The following ADAMTSL1 variants were observed in gnomAD, a reference collection of about 807,000 sequenced individuals.
ADAMTSL1 encodes the protein ADAMTS like 1.
ADAMTSL1 carries 126 observed loss-of-function variants against 201.8 expected under a neutral mutation model. That is an observed-to-expected ratio of 0.62 (90% CI 0.54 to 0.72). The LOEUF is 0.72. Among genes scored for constraint, ADAMTSL1 ranks in the 30% least tolerant of loss-of-function variants. ADAMTSL1 has a pLI of 0.00. For missense variants in ADAMTSL1, 2,679 were observed against 2,277.8 expected, an observed-to-expected ratio of 1.18 and a Z score of -3.59; for synonymous variants, 1,121 against 903.4, an observed-to-expected ratio of 1.24 and a Z score of -4.32.
In ADAMTSL1 at chr9:18,375,711, T is replaced by C. The variant is rs1430324981; in HGVS notation, c.208-129118T>C. ...CAGCAGCAAGGTTTATTGTGGAGAG[T>C]GAAAGAACAAACCTCCCATAGCATG... On this transcript the variant is annotated intron_variant, in intron 2 of 29. Transcript: ENST00000680146. Among the ~76,000 whole-genome samples, 7 of 151,986 alleles carry C rather than the reference T, an allele frequency of 4.6e-5. No homozygotes were observed. The East Asian group carries it at 1.3e-3, about 29-fold the overall frequency.
intron 16 of ADAMTSL1, among the ~76,000 whole-genome samples, chr9:18,762,525 A>G (rs985886259): frequency 6.6e-6 from 1 of 152,074 alleles, no homozygotes; most frequent in African/African-American, 2.4e-5. Flanking sequence ...ACTCTTTTTA[A>G]GTTTTTTTTA....
chr9:18,718,333 C>T, intron 14 of ADAMTSL1: 1 of 740,828 alleles, frequency 1.3e-6, no homozygotes, highest in Non-Finnish European at 2.5e-6. Flanking sequence ...TCCCTCCTTG[C>T]TATACATTGT....
At chr9:18,134,806 T>G (rs1826092453) in intron 1 of ADAMTSL1, among the ~76,000 whole-genome samples, 1 of 152,178 alleles carries the variant, frequency 6.6e-6, no homozygotes, top group Admixed American at 6.5e-5. Flanking sequence ...ATGGCAGGGT[T>G]TGTTGTGGAG....
chr9:18,389,942 T>G (rs1837975058), intron 2 of ADAMTSL1, among the ~76,000 whole-genome samples: 1 of 152,104 alleles, frequency 6.6e-6, no homozygotes, highest in Admixed American at 6.5e-5. Flanking sequence ...TCTTATGTAT[T>G]CACCTATAGC....
At position 18,048,371 on chromosome 9, in the gene ADAMTSL1, C is replaced by T. The variant is rs185178692; in HGVS notation, c.88-115491C>T. On this transcript the variant is annotated intron_variant, in intron 1 of 29. Coordinates refer to the ADAMTSL1 transcript ENST00000680146. ...GTGAAATTCCAGTTGGTTTTATGCA[C>T]ATTGTCACTGTTGTGTCCTGGAACA... is the stretch of plus-strand genomic sequence containing the variant. Among the ~76,000 whole-genome samples, 152 of 152,206 alleles carry T rather than the reference C, an allele frequency of 1.0e-3. 1 individual carries two copies. The highest frequency in any genetic ancestry group is 3.6e-3 in the African/African-American group (151 of 41,536).
At chr9:18,435,088 A>G (rs1301890429) in intron 2 of ADAMTSL1, among the ~76,000 whole-genome samples, 1 of 152,210 alleles carries the variant, frequency 6.6e-6, no homozygotes, top group African/African-American at 2.4e-5. Flanking sequence ...ATGGCACAGC[A>G]TTTCCAAAAA....
chr9:17,991,945 C>G (rs1431089496), intron 1 of ADAMTSL1, among the ~76,000 whole-genome samples: 1 of 152,092 alleles, frequency 6.6e-6, no homozygotes, highest in Non-Finnish European at 1.5e-5. Flanking sequence ...TCTCATTGCT[C>G]CCCATTGGGA....
intron 2 of ADAMTSL1, among the ~76,000 whole-genome samples, chr9:18,350,949 T>C: frequency 6.6e-6 from 1 of 152,162 alleles, no homozygotes; most frequent in Admixed American, 6.6e-5. Context: ...AAGCATCATA[T>C]AGATGTATAT....
At chr9:18,567,083 T>G (rs1290896213) in intron 3 of ADAMTSL1, among the ~76,000 whole-genome samples, 3 of 152,178 alleles carry the variant, frequency 2.0e-5, no homozygotes, top group Admixed American at 1.3e-4. Flanking sequence ...TTAGAAGCTC[T>G]GGAGGGTGGG....
Position 18,464,786 on chromosome 9 carries a change from G to A in ADAMTSL1, c.208-40043G>A, listed in dbSNP as rs997557373. Among the ~76,000 whole-genome samples, 17 of 152,050 alleles carry A rather than the reference G, an allele frequency of 1.1e-4. 1 individual carries two copies. The highest frequency in any genetic ancestry group is 4.1e-4 in the African/African-American group (17 of 41,428). On this transcript the variant is annotated intron_variant, in intron 2 of 29. Coordinates refer to the ADAMTSL1 transcript ENST00000680146. ...AAAGCTCATTTAGCGTAAAATTGCA[G>A]TGCAAAAAAGACAGTATCATTTACA...
intron 7 of ADAMTSL1, among the ~76,000 whole-genome samples, chr9:18,653,093 G>C (rs1828397943): frequency 6.6e-6 from 1 of 152,174 alleles, no homozygotes; most frequent in Non-Finnish European, 1.5e-5. Flanking sequence ...TTAGAACTGA[G>C]CTAATCAGAA....
At chr9:18,905,279 C>G (rs141854748) in intron 26 of ADAMTSL1, among the ~76,000 whole-genome samples, 1 of 152,162 alleles carries the variant, frequency 6.6e-6, no homozygotes, top group African/African-American at 2.4e-5. Context: ...TGAGGGAGGA[C>G]TCTGCATACC....
intron 20 of ADAMTSL1, among the ~76,000 whole-genome samples, chr9:18,816,071 T>C (rs1394883532): frequency 6.6e-6 from 1 of 152,168 alleles, no homozygotes; most frequent in Admixed American, 6.5e-5. Flanking sequence ...TGCAATATAA[T>C]ACCAGAACTT....
intron 2 of ADAMTSL1, among the ~76,000 whole-genome samples, chr9:18,298,814 G>A (rs1833578695): frequency 6.6e-6 from 1 of 151,856 alleles, no homozygotes; most frequent in Admixed American, 6.6e-5. Context: ...ACGAGGTCAG[G>A]AGATCGAGAC....
chr9:18,538,000 A>AG lies in ADAMTSL1; in HGVS notation c.237+4709dup, dbSNP rs1164309978. The stretch of plus-strand genomic sequence containing the variant: ...AAGAGGAGGAAGAGGAAGAAGAAGA[A>AG]GAAGGAGGAGGAGGAGGAGAAGGAG... On this transcript the variant is annotated intron_variant, in intron 3 of 28. Coordinates refer to ENST00000380548, the MANE Select transcript of ADAMTSL1 (RefSeq NM_001040272.6). Among the ~76,000 whole-genome samples, 358 of 151,974 alleles carry AG rather than the reference A, an allele frequency of 2.4e-3. 3 individuals are homozygous for AG. The highest frequency in any genetic ancestry group is 7.9e-3 in the African/African-American group (326 of 41,482).
At chr9:18,557,031 A>T (rs1445333007) in intron 3 of ADAMTSL1, among the ~76,000 whole-genome samples, 1 of 151,920 alleles carries the variant, frequency 6.6e-6, no homozygotes, top group Admixed American at 6.6e-5. Flanking sequence ...GAGATTAGGG[A>T]AGGAAGTGAC....
chr9:18,527,736 C>T (rs1819176746), intron 2 of ADAMTSL1, among the ~76,000 whole-genome samples: 2 of 152,106 alleles, frequency 1.3e-5, no homozygotes, highest in South Asian at 4.1e-4. Context: ...CTGAATAATT[C>T]ACACATAATA....
intron 2 of ADAMTSL1, among the ~76,000 whole-genome samples, chr9:18,318,917 CAAAT>C (rs1365138138): frequency 6.6e-6 from 1 of 152,078 alleles, no homozygotes; most frequent in Non-Finnish European, 1.5e-5. Context: ...ACTTTACAAA[CAAAT>C]AAAGAGGCTG....
At chr9:18,711,758 G>A (rs1273901815) in intron 14 of ADAMTSL1, among the ~76,000 whole-genome samples, 1 of 152,044 alleles carries the variant, frequency 6.6e-6, no homozygotes, top group Non-Finnish European at 1.5e-5. Context: ...GCTCAAGGAG[G>A]CCTGCCTGCC....
Sources: allele counts gnomAD v4.1 joint callset (sites outside exome capture counted in the v4.1 genomes callset), GRCh38; gene constraint gnomAD v4.1.1; transcripts MANE v1.5; gene names NCBI Gene and HGNC (gene_info 2026-07-23, HGNC 2026-07-21).